IL16: variants seen among roughly 807,000 people sequenced by gnomAD.
IL16 encodes the protein interleukin 16, also known as pro-interleukin-16.
In IL16, 67 loss-of-function variants were observed where a neutral mutation model predicts 110.1. The ratio of observed to expected loss-of-function variants is 0.61; its 90% CI spans 0.50 to 0.75. IL16 has a LOEUF of 0.75. IL16 is among the 30% of genes least tolerant of loss of function. The pLI, the probability that IL16 is intolerant of heterozygous loss-of-function variation, is 0.00. For synonymous variants in IL16, 689 were observed against 662.9 expected (o/e 1.04, Z -0.61); for missense variants, 1,545 against 1,655.0 (o/e 0.93, Z 1.15).
At chr15:81,230,543 G>A (rs796897803) in intron 2 of IL16, among the ~76,000 whole-genome samples, 14 of 152,290 alleles carry the variant, frequency 9.2e-5, no homozygotes, top group African/African-American at 3.4e-4. Context: ...AAGGGGGCAG[G>A]TGTAAGCATA....
At chr15:81,261,101 C>T (rs553199028) in intron 3 of IL16, among the ~76,000 whole-genome samples, 1 of 152,362 alleles carries the variant, frequency 6.6e-6, no homozygotes, top group East Asian at 1.9e-4. Flanking sequence ...TTCCCTTTCT[C>T]CCTCACCCAT....
At chr15:81,201,133 A>G (rs1895795611) in intron 1 of IL16, among the ~76,000 whole-genome samples, 1 of 151,664 alleles carries the variant, frequency 6.6e-6, no homozygotes, top group Non-Finnish European at 1.5e-5. Flanking sequence ...AGAAGCAGAA[A>G]ATAAAAAGTG....
chr15:81,208,044 C>T lies in IL16; in HGVS notation c.-102+10892C>T, dbSNP rs368014010. 5.3e-4 allele frequency among the ~76,000 whole-genome samples: 80 copies of T among 152,226 alleles called. 1 individual carries two copies. In the South Asian group the frequency reaches 5.4e-3, roughly 10 times the overall value. On this transcript the variant is annotated intron_variant, in intron 1 of 18. Transcript: ENST00000683961. ...CTGCAACCTCACCAGCATCTGTTGTCTGTTGACTTTTTAATAACTGTCATT... is the reference window on the plus strand; with the variant it reads ...CTGCAACCTCACCAGCATCTGTTGTTTGTTGACTTTTTAATAACTGTCATT...
At chr15:81,230,189 A>G (rs1300140720) in intron 2 of IL16, among the ~76,000 whole-genome samples, 1 of 152,240 alleles carries the variant, frequency 6.6e-6, no homozygotes. Flanking sequence ...GTCAAAAGTC[A>G]GGCTTCCTAA....
intron 2 of IL16, among the ~76,000 whole-genome samples, chr15:81,235,968 G>A (rs1315694411): frequency 1.3e-5 from 2 of 152,208 alleles, no homozygotes; most frequent in Admixed American, 1.3e-4. Context: ...AGATGAGACC[G>A]AATGTGTGGG....
At chr15:81,271,367 G>A (rs1171269949) in intron 5 of IL16, among the ~76,000 whole-genome samples, 2 of 152,134 alleles carry the variant, frequency 1.3e-5, no homozygotes, top group East Asian at 1.9e-4. Context: ...CAGCTGCCCA[G>A]GAGGCTGAGG....
intron 7 of IL16, 61 bp downstream of exon 7, chr15:81,278,951 T>G: frequency 9.0e-7 from 1 of 1,105,348 alleles, no homozygotes; most frequent in African/African-American, 1.5e-5. Context: ...GAAACCAAGC[T>G]CTCAGCATCC....
chr15:81,218,521 A>G (rs1337536026), intron 1 of IL16, among the ~76,000 whole-genome samples: 1 of 152,230 alleles, frequency 6.6e-6, no homozygotes, highest in African/African-American at 2.4e-5. Context: ...AAAATTAAGC[A>G]TAAATTTCTA....
At chr15:81,255,445 G>A (rs2142164414) in intron 2 of IL16, among the ~76,000 whole-genome samples, 1 of 152,362 alleles carries the variant, frequency 6.6e-6, no homozygotes, top group Middle Eastern at 3.4e-3. Flanking sequence ...CTGCATGGCA[G>A]TGGGAAGGGA....
At chr15:81,260,063 C>T (rs1317238359) in intron 3 of IL16, among the ~76,000 whole-genome samples, 183 bp downstream of exon 3, 1 of 152,136 alleles carries the variant, frequency 6.6e-6, no homozygotes, top group East Asian at 1.9e-4. Flanking sequence ...GCCAGCTCTC[C>T]TCATGGCTCC....
intron 1 of IL16, among the ~76,000 whole-genome samples, chr15:81,212,482 T>C (rs569090846): frequency 6.6e-6 from 1 of 152,242 alleles, no homozygotes; most frequent in East Asian, 1.9e-4. Flanking sequence ...TCTATTTATT[T>C]ATTTTTTGAG....
At chr15:81,248,067 T>C (rs779831646) in intron 2 of IL16, among the ~76,000 whole-genome samples, 3 of 152,236 alleles carry the variant, frequency 2.0e-5, no homozygotes, top group Non-Finnish European at 4.4e-5. Flanking sequence ...TTTAGTTATT[T>C]CAGCATTATG....
chr15:81,265,783 T>C lies in IL16; in HGVS notation c.546T>C (p.Cys182=). The C allele has an allele frequency of 6.2e-7, 1 of 1,612,844 alleles. No homozygotes were observed. The highest frequency in any genetic ancestry group is 8.5e-7 in the Non-Finnish European group (1 of 1,179,410). ...NRKSLSQQLD[C]PAGKAAGTSR... Reference sequence around the variant, plus strand: ...AGTCCCTCTCTCAACAATTGGACTGTCCAGCAGGAAAGGCTGCGGTAAGAA... The same window carrying C: ...AGTCCCTCTCTCAACAATTGGACTGCCCAGCAGGAAAGGCTGCGGTAAGAA... Residue 182 remains cysteine (C), a synonymous_variant, in exon 4 of 19, where the codon TGT becomes TGC. Transcript: ENST00000683961.
intron 9 of IL16, 32 bp downstream of exon 9, chr15:81,282,788 C>A: frequency 7.1e-7 from 1 of 1,410,724 alleles, no homozygotes; most frequent in Non-Finnish European, 1.0e-6. Context: ...TGAATATACC[C>A]CCGACTTACA....
At chr15:81,202,934 C>T (rs1462759167) in intron 1 of IL16, among the ~76,000 whole-genome samples, 1 of 151,776 alleles carries the variant, frequency 6.6e-6, no homozygotes, top group Non-Finnish European at 1.5e-5. Context: ...AGTTTACAGT[C>T]CCACCAACAG....
chr15:81,200,131 T>G (rs964741487), intron 1 of IL16, among the ~76,000 whole-genome samples: 1 of 152,150 alleles, frequency 6.6e-6, no homozygotes, highest in Non-Finnish European at 1.5e-5. Context: ...CATCAGGTTC[T>G]TAGCAAAATC....
At position 81,305,902 on chromosome 15, in the gene IL16, G is replaced by T. The variant is rs777338020; in HGVS notation, c.3421-6G>T. 77 of 1,613,386 alleles carry T rather than the reference G, an allele frequency of 4.8e-5. No individual in the cohort carries two copies. The Middle Eastern group carries it at 2.1e-3, about 45-fold the overall frequency. ...TTCTGGTCCTGACTTCCTTTGGTTT[G>T]CTCAGGTTCACAGAGTGTTTCCAAA... On this transcript the variant is annotated splice_region_variant and splice_polypyrimidine_tract_variant and intron_variant, in intron 16 of 18. Transcript: ENST00000683961.
chr15:81,280,212 C>A (rs934768850), intron 8 of IL16, among the ~76,000 whole-genome samples: 1 of 152,144 alleles, frequency 6.6e-6, no homozygotes, highest in Admixed American at 6.5e-5. Flanking sequence ...CCTTTGCCAC[C>A]CCCCCAGGTG....
intron 1 of IL16, among the ~76,000 whole-genome samples, chr15:81,214,893 T>C (rs1023245847): frequency 6.6e-6 from 1 of 152,232 alleles, no homozygotes; most frequent in African/African-American, 2.4e-5. Context: ...CTGAGATTCT[T>C]TCCTCAGCTT....
Sources: allele counts gnomAD v4.1 joint callset (sites outside exome capture counted in the v4.1 genomes callset), GRCh38; gene constraint gnomAD v4.1.1; transcripts MANE v1.5; gene names NCBI Gene and HGNC (gene_info 2026-07-23, HGNC 2026-07-21).